The following ADGRF5 variants were observed in gnomAD, a reference collection of about 807,000 sequenced individuals.
The protein encoded by ADGRF5 is G-protein coupled receptor 116.
ADGRF5 carries 75 observed loss-of-function variants against 132.3 expected under a neutral mutation model. That is an observed-to-expected ratio of 0.57 (90% confidence interval 0.47 to 0.69). The LOEUF is 0.69. ADGRF5 is among the 30% of genes least tolerant of loss of function. ADGRF5 has a pLI of 0.00. For synonymous variants in ADGRF5, 629 were observed against 597.6 expected (o/e 1.05, Z -0.77); for missense variants, 1,516 against 1,630.6 (o/e 0.93, Z 1.21).
At chr6:46,929,907 A>T (rs1777472001) in intron 1 of ADGRF5, among the ~76,000 whole-genome samples, 1 of 152,074 alleles carries the variant, frequency 6.6e-6, no homozygotes, top group Non-Finnish European at 1.5e-5. Context: ...TGCAACCTCC[A>T]CTTCCCGGGA....
At chr6:46,910,558 A>C (rs1396530964) in intron 1 of ADGRF5, among the ~76,000 whole-genome samples, 1 of 152,126 alleles carries the variant, frequency 6.6e-6, no homozygotes, top group Non-Finnish European at 1.5e-5. Context: ...AGACATGGAA[A>C]AGGAAGCTTA....
chr6:46,874,375 C>G (rs1180345838), intron 10 of ADGRF5, among the ~76,000 whole-genome samples: 1 of 152,154 alleles, frequency 6.6e-6, no homozygotes, highest in African/African-American at 2.4e-5. Flanking sequence ...CCTTAAAGAC[C>G]CATTTATCTC....
chr6:46,901,350 T>C (rs1364808012), intron 2 of ADGRF5, among the ~76,000 whole-genome samples: 2 of 152,040 alleles, frequency 1.3e-5, no homozygotes, highest in Non-Finnish European at 2.9e-5. Flanking sequence ...AAAAGCCCCA[T>C]CTCTCTGAAG....
At chr6:46,878,612 G>A (rs1311884782) in intron 9 of ADGRF5, among the ~76,000 whole-genome samples, 1 of 152,106 alleles carries the variant, frequency 6.6e-6, no homozygotes, top group African/African-American at 2.4e-5. Context: ...GTACAGAGAT[G>A]TTCTAAGGAA....
At chr6:46,924,183 T>C (rs1777138752), upstream of ADGRF5, among the ~76,000 whole-genome samples, 1 of 152,224 alleles carries the variant, frequency 6.6e-6, no homozygotes, top group Non-Finnish European at 1.5e-5. Context: ...TTAGTCTCTT[T>C]TTAAGTTCCA....
At chr6:46,864,798 A>C (rs531740565) in intron 14 of ADGRF5, among the ~76,000 whole-genome samples, 89 of 152,258 alleles carry the variant, frequency 5.8e-4, no homozygotes, top group Middle Eastern at 3.4e-3. Flanking sequence ...TGCTGGGATT[A>C]TAGGCGTGAG....
intron 1 of ADGRF5, among the ~76,000 whole-genome samples, chr6:46,929,718 T>C (rs1232021072): frequency 1.3e-5 from 2 of 152,082 alleles, no homozygotes; most frequent in South Asian, 4.1e-4. Context: ...TTCCTTATGA[T>C]GTCTGGCTCA....
chr6:46,863,058 C>G lies in ADGRF5; in HGVS notation c.2029G>C (p.Gly677Arg). ...TTCTGGATGACTTTCCCCGGCTCTC[C>G]GACACCTATTACGGGATCCTGGCAT... is the stretch of plus-strand genomic sequence containing the variant. ...ITCQDPVIGV[G>R]EPGKVIQKLC... Residue 677 changes from glycine (G) to arginine (R), a missense_variant, in exon 15 of 21, where the codon GGA (glycine) becomes CGA (arginine). By Grantham distance (125) the Gly-to-Arg change is moderately radical. Around this residue, in one of 2 missense-constraint regions of ADGRF5, gnomAD observed 945 missense variants for 929.4 expected, o/e 1.02. Coordinates refer to ENST00000283296, the MANE Select transcript of ADGRF5 (RefSeq NM_001098518.2). 6.2e-7 allele frequency: 1 copy of G among 1,613,988 alleles called. No individual in the cohort carries two copies. The highest frequency in any genetic ancestry group is 2.2e-5 in the East Asian group (1 of 44,858).
intron 4 of ADGRF5, chr6:46,888,117 AC>A (rs1773242826): frequency 4.2e-6 from 2 of 475,124 alleles, no homozygotes; most frequent in Non-Finnish European, 7.6e-6. Context: ...CACCAAGCAA[AC>A]CTTTGGTCAC....
chr6:46,919,062 G>A (rs1425788038), intron 1 of ADGRF5, among the ~76,000 whole-genome samples: 1 of 152,154 alleles, frequency 6.6e-6, no homozygotes, highest in East Asian at 1.9e-4. Flanking sequence ...AGTTCCTAGG[G>A]TGACGCCGAT....
Position 46,878,418 on chromosome 6 carries a change from C to A in ADGRF5, c.1037-13G>T, listed in dbSNP as rs1305605575. 3 of 1,483,616 alleles carry A rather than the reference C, an allele frequency of 2.0e-6. No individual in the cohort carries two copies. The African/African-American group carries it at 4.1e-5, about 20-fold the overall frequency. 91.9% of individuals were successfully genotyped at this position (1,483,616 alleles called of 1,614,324 possible). On this transcript the variant is annotated splice_polypyrimidine_tract_variant and intron_variant, in intron 9 of 20. Transcript: ENST00000283296. Reference sequence around the variant, plus strand: ...CAAACATATTCACCTGCATAAAATACACAAAATCATGTATTATTATAACAC... The same window carrying A: ...CAAACATATTCACCTGCATAAAATAAACAAAATCATGTATTATTATAACAC...
intron 20 of ADGRF5, 65 bp from the exon 21 acceptor site, chr6:46,854,136 C>T: frequency 1.7e-6 from 2 of 1,179,264 alleles, no homozygotes; most frequent in Non-Finnish European, 1.2e-6. Context: ...GTGTGAACAT[C>T]TCCTAAGGGA....
chr6:46,917,580 T>G (rs1229174406), intron 1 of ADGRF5, among the ~76,000 whole-genome samples: 4 of 152,218 alleles, frequency 2.6e-5, no homozygotes, highest in Non-Finnish European at 5.9e-5. Context: ...CAATCATGTT[T>G]ATAAAACACT....
chr6:46,919,885 A>G (rs1351384924), intron 1 of ADGRF5, among the ~76,000 whole-genome samples: 1 of 152,192 alleles, frequency 6.6e-6, no homozygotes, highest in Admixed American at 6.5e-5. Flanking sequence ...TTTTTCCCAA[A>G]GGCTCTCTCC....
chr6:46,875,358 C>T (rs1323623417), intron 10 of ADGRF5, among the ~76,000 whole-genome samples: 1 of 152,144 alleles, frequency 6.6e-6, no homozygotes, highest in African/African-American at 2.4e-5. Flanking sequence ...AGAAGGTATG[C>T]AATTACAATT....
chr6:46,927,393 C>T (rs891203490), intron 1 of ADGRF5, among the ~76,000 whole-genome samples: 1 of 152,032 alleles, frequency 6.6e-6, no homozygotes, highest in Non-Finnish European at 1.5e-5. Flanking sequence ...TCACAAGCAG[C>T]GTTAGTGTCA....
In ADGRF5 at chr6:46,900,062, C is replaced by T; in HGVS notation, c.124G>A (p.Ala42Thr). The change falls in exon 3 of 21, where the codon GCT (alanine) becomes ACT (threonine). Residue 42 changes from alanine to threonine, a missense_variant. Around this residue, in one of 2 missense-constraint regions of ADGRF5, gnomAD observed 945 missense variants for 929.4 expected, o/e 1.02. Transcript: ENST00000283296. ...HPLSLHEHEPAGEEALRQKRA... is the reference protein window; with the variant it reads ...HPLSLHEHEPTGEEALRQKRA... ...TTTTGCCTCAGTGCCTCTTCACCAG[C>T]TGGTTCATGTTCATGAAGACTCTGA... is the stretch of plus-strand genomic sequence containing the variant. 1 of 1,612,912 alleles carries T rather than the reference C, an allele frequency of 6.2e-7. No individual in the cohort carries two copies. The highest frequency in any genetic ancestry group is 2.2e-5 in the East Asian group (1 of 44,870).
At chr6:46,863,389 G>A (rs1009051319) in intron 14 of ADGRF5, 5 of 485,238 alleles carry the variant, frequency 1.0e-5, no homozygotes, top group African/African-American at 3.9e-5. Flanking sequence ...GGAAGCTTTT[G>A]AAAACACCAG....
chr6:46,862,703 CTTTTTTTTTTTTTT>C (rs67565937), intron 15 of ADGRF5, among the ~76,000 whole-genome samples, 171 bp downstream of exon 15: 2 of 26,506 alleles, frequency 7.5e-5, no homozygotes, highest in African/African-American at 3.3e-4. Flanking sequence ...TGAATTGAGG[CTTTTTTTTTTTTTT>C]TTTTTTTTTT....
Sources: gnomAD v4.1 joint callset for allele counts (sites outside exome capture counted in the v4.1 genomes callset) on GRCh38, gnomAD v4.1.1 for gene constraint, gnomAD v4.1.1 regional missense constraint, MANE v1.5 for transcripts, NCBI Gene and HGNC (gene_info 2026-07-23, HGNC 2026-07-21) for gene names.